Variants in IL18BP observed in about 807,000 individuals in gnomAD.
IL18BP encodes the protein interleukin-18-binding protein.
In IL18BP, 23 loss-of-function variants were observed where a neutral mutation model predicts 19.9. The observed-to-expected ratio is 1.15, with a 90% CI of 0.83 to 1.64. The LOEUF is 1.64. Among genes scored for constraint, IL18BP ranks in the 40% most tolerant of loss-of-function variants. IL18BP has a pLI of 0.00. For synonymous variants in IL18BP, 107 were observed against 101.0 expected (o/e 1.06, Z -0.35); for missense variants, 239 against 240.7 (o/e 0.99, Z 0.05).
rs1280364218 is a variant in IL18BP, at chr11:72,000,527, G to T, written c.205G>T (p.Val69Leu). ...AGCTAAGCAGTGTCCAGCATTGGAAGTGACCTGGCCAGAGGTGGAAGTGCC... is the reference window on the plus strand; with the variant it reads ...AGCTAAGCAGTGTCCAGCATTGGAATTGACCTGGCCAGAGGTGGAAGTGCC... ...PAAKQCPALE[V>L]TWPEVEVPLN... is the part of the protein sequence containing the mutation. Residue 69 changes from valine (V) to leucine (L), a missense_variant, in exon 3 of 6, where the codon GTG (valine) becomes TTG (leucine). By Grantham distance (32) the Val-to-Leu change is conservative. Transcript: ENST00000393703. 4 of 1,612,972 alleles carry T rather than the reference G, an allele frequency of 2.5e-6. No homozygotes were observed. In the Admixed American group the frequency reaches 5.0e-5, roughly 20 times the overall value.
At chr11:72,005,776 G>A, downstream of IL18BP, 1 of 535,648 alleles carries the variant, frequency 1.9e-6, no homozygotes, top group East Asian at 3.2e-5. Flanking sequence ...AGGGCATGGA[G>A]GACTCCCCAC....
At position 72,001,865 on chromosome 11, in the gene IL18BP, T is replaced by A. The variant is rs779956475; in HGVS notation, c.*4T>A. The stretch of plus-strand genomic sequence containing the variant: ...CAGTCCACAGCAGCAGGGTTAAGAC[T>A]CAGCACAGGGCCAGCAGCAGCACAA... On this transcript the variant is annotated 3_prime_UTR_variant, in exon 6 of 6. Coordinates refer to ENST00000393703, the MANE Select transcript of IL18BP (RefSeq NM_001039660.2). 8.9e-5 allele frequency: 143 copies of A among 1,613,848 alleles called. No individual in the cohort carries two copies. Among genetic ancestry groups the A allele is most frequent in the Non-Finnish European group, 1.1e-4 (128 of 1,179,968 alleles).
downstream of IL18BP, chr11:72,004,165 CGCTCTAT>C: frequency 6.2e-7 from 1 of 1,607,072 alleles, no homozygotes; most frequent in Non-Finnish European, 8.5e-7. Context: ...TGCTGTGCCA[CGCTCTAT>C]CAGCAAGGTC....
Position 72,002,192 on chromosome 11 carries a change from G to A in IL18BP, c.*331G>A. ...AGCCTTGCACTCCAGGGCCCTACCT[G>A]CATTTCCCACATGACTTTCTGGAAG... On this transcript the variant is annotated 3_prime_UTR_variant, in exon 6 of 6. Coordinates refer to ENST00000393703, the MANE Select transcript of IL18BP (RefSeq NM_001039660.2). 2.9e-6 allele frequency: 1 copy of A among 349,076 alleles called. No individual in the cohort carries two copies. The highest frequency in any genetic ancestry group is 5.2e-6 in the Non-Finnish European group (1 of 191,720). The allele number at this position is 349,076 out of a possible 1,614,324, so 21.6% of individuals were successfully genotyped here.
downstream of IL18BP, chr11:72,004,096 C>T: frequency 6.2e-7 from 1 of 1,613,192 alleles, no homozygotes; most frequent in African/African-American, 1.3e-5. Context: ...TGGCGCCGGT[C>T]AGCCTGCAAG....
downstream of IL18BP, chr11:72,003,761 C>T (rs1172759664): frequency 4.6e-6 from 5 of 1,086,256 alleles, no homozygotes; most frequent in South Asian, 4.0e-5. Flanking sequence ...AGGACAGGGA[C>T]ACCTCTTACC....
rs1489382810 is a variant in IL18BP, at chr11:72,001,404, G to A, written c.360-1G>A. The A allele has an allele frequency of 1.2e-6, 2 of 1,614,126 alleles. No homozygotes were observed. Among genetic ancestry groups the A allele is most frequent in the East Asian group, 4.5e-5 (2 of 44,884 alleles). ...TGACCTTTCCTTCCCTTCCGCTCCAGCCGGGAACGTGGGAGCACAGGTACG... is the reference window on the plus strand; with the variant it reads ...TGACCTTTCCTTCCCTTCCGCTCCAACCGGGAACGTGGGAGCACAGGTACG... On this transcript the variant is annotated splice_acceptor_variant, in intron 4 of 5. Transcript: ENST00000393703. LOFTEE classifies it high-confidence loss of function.
At chr11:72,003,645 C>G (rs752255861), downstream of IL18BP, 10 of 1,417,006 alleles carry the variant, frequency 7.1e-6, no homozygotes, top group Non-Finnish European at 1.0e-5. Flanking sequence ...TGGATCCCCT[C>G]CCTTGTGAGC....
downstream of IL18BP, chr11:72,003,040 A>G (rs1335329816): frequency 4.2e-6 from 1 of 238,216 alleles, no homozygotes; most frequent in Non-Finnish European, 8.3e-6. Flanking sequence ...CATAGGGCCC[A>G]TCCGTCCTGG....
At chr11:71,999,168 A>G in intron 1 of IL18BP, 149 bp downstream of exon 1, 1 of 517,150 alleles carries the variant, frequency 1.9e-6, no homozygotes, top group Non-Finnish European at 3.9e-6. Flanking sequence ...GGGAAAGGCC[A>G]GGATGTGGAC....
At chr11:72,006,199 G>C (rs780010835), downstream of IL18BP, 2 of 1,614,048 alleles carry the variant, frequency 1.2e-6, no homozygotes, top group South Asian at 2.2e-5. Flanking sequence ...AGCCTGGGAA[G>C]CAGGAGCAGA....
chr11:72,001,680 A>G lies in IL18BP; in HGVS notation c.508-104A>G, dbSNP rs777038148. On this transcript the variant is annotated intron_variant, in intron 5 of 5. Coordinates refer to ENST00000393703, the MANE Select transcript of IL18BP (RefSeq NM_001039660.2). The stretch of plus-strand genomic sequence containing the variant: ...CAGCATTCCTCAAGGTCAGCCAGAC[A>G]AAAAGGAACTTAGGTCTTGGGCAGA... 7.4e-6 allele frequency: 12 copies of G among 1,611,010 alleles called. No homozygotes were observed. In the East Asian group the frequency reaches 2.7e-4, roughly 36 times the overall value.
chr11:72,007,384 G>A (rs1461869225), downstream of IL18BP: 2 of 1,613,878 alleles, frequency 1.2e-6, no homozygotes, highest in Admixed American at 1.7e-5. Context: ...AGATAGGTGA[G>A]GCTGGTTCTC....
intron 1 of IL18BP, 80 bp from the exon 2 acceptor site, chr11:71,999,847 G>A (rs1317651304): frequency 3.9e-6 from 3 of 765,128 alleles, no homozygotes; most frequent in Non-Finnish European, 6.6e-6. Context: ...TACGGGAGGA[G>A]AAGCCAGCTA....
At chr11:72,000,168 C>T (rs1330414728) in intron 2 of IL18BP, among the ~76,000 whole-genome samples, 156 bp downstream of exon 2, 1 of 152,212 alleles carries the variant, frequency 6.6e-6, no homozygotes. Context: ...GTAGCTCTGG[C>T]TCCAGTCTAA....
downstream of IL18BP, chr11:72,007,266 C>T (rs945889842): frequency 7.4e-6 from 12 of 1,612,842 alleles, no homozygotes; most frequent in East Asian, 2.2e-5. Flanking sequence ...TCCAGGAAGA[C>T]GTCTCCCAGG....
downstream of IL18BP, chr11:72,007,243 C>G: frequency 6.2e-7 from 1 of 1,612,518 alleles, no homozygotes; most frequent in Non-Finnish European, 8.5e-7. Flanking sequence ...CGGAGCGGGT[C>G]TTACGACCCG....
At chr11:72,007,468 T>C, downstream of IL18BP, 1 of 1,609,722 alleles carries the variant, frequency 6.2e-7, no homozygotes, top group Non-Finnish European at 8.5e-7. Flanking sequence ...GGTACAGTCC[T>C]TCACGCTAGA....
downstream of IL18BP, chr11:72,005,538 A>G (rs1376052684): frequency 1.7e-6 from 1 of 605,296 alleles, no homozygotes; most frequent in Non-Finnish European, 2.8e-6. Flanking sequence ...GACTATTTCT[A>G]TCCTAGGGGC....
Sources: gnomAD v4.1 joint callset for allele counts (sites outside exome capture counted in the v4.1 genomes callset) on GRCh38, gnomAD v4.1.1 for gene constraint, MANE v1.5 for transcripts, NCBI Gene and HGNC (gene_info 2026-07-23, HGNC 2026-07-21) for gene names.